SH3KBP1: variants seen among roughly 807,000 people sequenced by gnomAD.
The protein encoded by SH3KBP1 is SH3 domain-containing kinase-binding protein 1.
Under a neutral mutation model 50.1 loss-of-function variants are expected in SH3KBP1, and 8 were observed. The observed-to-expected ratio is 0.16, with a 90% CI of 0.09 to 0.29. The LOEUF is 0.29. Among genes scored for constraint, SH3KBP1 ranks in the 10% least tolerant of loss-of-function variants. SH3KBP1 has a pLI of 1.00. For missense variants in SH3KBP1, 377 were observed against 535.2 expected (o/e 0.70, Z 2.92); for synonymous variants, 227 against 218.6 (o/e 1.04, Z -0.34).
intron 1 of SH3KBP1, among the ~76,000 whole-genome samples, chrX:19,852,604 G>A (rs2068537438): frequency 1.1e-5 from 1 of 92,123 alleles, no homozygotes; most frequent in Non-Finnish European, 2.1e-5. Flanking sequence ...AAGATTTTCT[G>A]AGACATATGT....
intron 8 of SH3KBP1, among the ~76,000 whole-genome samples, chrX:19,611,459 T>G: frequency 8.9e-6 from 1 of 111,873 alleles, no homozygotes; most frequent in Non-Finnish European, 1.9e-5. Flanking sequence ...GTTCAAGCAA[T>G]TCTCCTGCCT....
chrX:19,739,004 C>G (rs1367726208), intron 3 of SH3KBP1, among the ~76,000 whole-genome samples: 11 of 81,407 alleles, frequency 1.4e-4, no homozygotes, highest in Non-Finnish European at 2.5e-4. Context: ...GAGCGAGACT[C>G]TGCCTCCAAG....
intron 2 of SH3KBP1, among the ~76,000 whole-genome samples, chrX:19,767,824 TA>T (rs2065668674): frequency 9.0e-6 from 1 of 110,975 alleles, no homozygotes; most frequent in South Asian, 3.8e-4. Context: ...GGCTGAAATA[TA>T]GAACAATTTC....
chrX:19,586,638 T>G (rs768450033), intron 12 of SH3KBP1, among the ~76,000 whole-genome samples: 1 of 111,502 alleles, frequency 9.0e-6, no homozygotes, highest in South Asian at 3.8e-4. Flanking sequence ...TGGAGAGGCC[T>G]CACCAACTCA....
chrX:19,868,197 C>T (rs902986627), intron 1 of SH3KBP1, among the ~76,000 whole-genome samples: 2 of 111,958 alleles, frequency 1.8e-5, no homozygotes, highest in Non-Finnish European at 3.8e-5. Context: ...TGGGCCCCTA[C>T]TGTGCGCCGG....
chrX:19,693,088 T>C lies in SH3KBP1; in HGVS notation c.520+2524A>G, dbSNP rs181431071. ...CTATTCATTATTCTCACATCTGCTCTTCTATGAAGCCCCACATCCCCATGG... is the reference window on the plus strand; with the variant it reads ...CTATTCATTATTCTCACATCTGCTCCTCTATGAAGCCCCACATCCCCATGG... On this transcript the variant is annotated intron_variant, in intron 5 of 17. Transcript: ENST00000397821. Among the ~76,000 whole-genome samples, 3 of 112,044 alleles carry C rather than the reference T, an allele frequency of 2.7e-5. No homozygotes were observed. The East Asian group carries it at 8.4e-4, about 31-fold the overall frequency.
chrX:19,806,612 G>A (rs1255474118), intron 2 of SH3KBP1, among the ~76,000 whole-genome samples: 1 of 111,446 alleles, frequency 9.0e-6, no homozygotes, highest in African/African-American at 3.3e-5. Context: ...GGAAGTGTCA[G>A]ACAACATTGC....
intron 3 of SH3KBP1, among the ~76,000 whole-genome samples, chrX:19,726,135 T>C (rs1300550359): frequency 1.8e-5 from 2 of 111,087 alleles, no homozygotes; most frequent in Non-Finnish European, 3.8e-5. Flanking sequence ...CAATCAAATA[T>C]AATAGAGAAA....
intron 1 of SH3KBP1, among the ~76,000 whole-genome samples, chrX:19,849,150 G>A (rs2068437295): frequency 9.1e-6 from 1 of 110,108 alleles, no homozygotes; most frequent in Admixed American, 9.8e-5. Flanking sequence ...CAGGCATCTG[G>A]AGCCTCATGA....
chrX:19,625,343 G>T (rs7066335), intron 8 of SH3KBP1, among the ~76,000 whole-genome samples: 4,089 of 106,726 alleles, frequency 0.038, 188 homozygotes, highest in African/African-American at 0.14. Context: ...ATTTTTTTTT[G>T]CCCCCCGACA....
intron 1 of SH3KBP1, among the ~76,000 whole-genome samples, chrX:19,862,662 C>CA (rs111471978): frequency 0.24 from 24,334 of 100,218 alleles, 3,341 homozygotes; most frequent in African/African-American, 0.5. Flanking sequence ...TATTTTGGTG[C>CA]AAAAAAAAAA....
At chrX:19,851,554 T>A (rs1170581189) in intron 1 of SH3KBP1, among the ~76,000 whole-genome samples, 1 of 112,438 alleles carries the variant, frequency 8.9e-6, no homozygotes, top group African/African-American at 3.2e-5. Context: ...TATACTCTTT[T>A]GAGACAGGGT....
At chrX:19,666,008 A>T (rs1358519018) in intron 6 of SH3KBP1, among the ~76,000 whole-genome samples, 2 of 111,215 alleles carry the variant, frequency 1.8e-5, no homozygotes, top group African/African-American at 6.6e-5. Flanking sequence ...TTATGAAAAC[A>T]ATTATTAATA....
At chrX:19,865,356 T>C (rs1049129499) in intron 1 of SH3KBP1, among the ~76,000 whole-genome samples, 4 of 112,032 alleles carry the variant, frequency 3.6e-5, no homozygotes, top group African/African-American at 1.3e-4. Context: ...AATTCATTCT[T>C]TGCAACGTAT....
At chrX:19,652,916 C>T (rs1285911746) in intron 6 of SH3KBP1, among the ~76,000 whole-genome samples, 1 of 112,384 alleles carries the variant, frequency 8.9e-6, no homozygotes, top group African/African-American at 3.2e-5. Context: ...TCTCCTTCCT[C>T]TTTGATGCCA....
At chrX:19,592,005 G>T in intron 11 of SH3KBP1, 62 bp downstream of exon 11, 2 of 918,392 alleles carry the variant, frequency 2.2e-6, no homozygotes, top group Non-Finnish European at 3.2e-6. Context: ...TGGACTAGCC[G>T]TGTAACAGAC....
chrX:19,796,610 T>C (rs1429078297), intron 2 of SH3KBP1, among the ~76,000 whole-genome samples: 1 of 112,505 alleles, frequency 8.9e-6, no homozygotes, highest in Non-Finnish European at 1.9e-5. Flanking sequence ...TCTGGCTTTG[T>C]ATTCCAACCA....
chrX:19,808,243 G>A (rs765472035), intron 2 of SH3KBP1, among the ~76,000 whole-genome samples: 6 of 110,561 alleles, frequency 5.4e-5, no homozygotes, highest in East Asian at 2.8e-4. Flanking sequence ...GCTTCACAAC[G>A]TATTTGCCCT....
chrX:19,848,515 T>A (rs1217878164), intron 1 of SH3KBP1, among the ~76,000 whole-genome samples: 1 of 112,644 alleles, frequency 8.9e-6, no homozygotes, highest in African/African-American at 3.2e-5. Context: ...TTTTAAAACA[T>A]CATTGGCCAC....
Sources: allele counts gnomAD v4.1 joint callset (sites outside exome capture counted in the v4.1 genomes callset), GRCh38; gene constraint gnomAD v4.1.1; transcripts MANE v1.5; gene names NCBI Gene and HGNC (gene_info 2026-07-23, HGNC 2026-07-21).